The following ADAMTS19 variants were observed in gnomAD, a reference collection of about 807,000 sequenced individuals.
ADAMTS19 encodes the protein ADAM metallopeptidase with thrombospondin type 1 motif 19.
Under a neutral mutation model 153.3 loss-of-function variants are expected in ADAMTS19, and 93 were observed. The ratio of observed to expected loss-of-function variants is 0.61; its 90% CI spans 0.51 to 0.72. The LOEUF (loss-of-function observed/expected upper bound fraction) is 0.72. Ranked by LOEUF, ADAMTS19 falls within the 30% of genes least tolerant of loss-of-function variation. The probability of loss-of-function intolerance (pLI) is 0.00; values close to 1 mark genes in which losing one functional copy is unlikely to be tolerated. For synonymous variants in ADAMTS19, 600 were observed against 556.6 expected (o/e 1.08, Z -1.10); for missense variants, 1,482 against 1,552.1 (o/e 0.95, Z 0.76).
At chr5:129,654,750 C>T (rs1332511358) in intron 14 of ADAMTS19, among the ~76,000 whole-genome samples, 1 of 151,860 alleles carries the variant, frequency 6.6e-6, no homozygotes, top group South Asian at 2.1e-4. Context: ...TATTTCAGAC[C>T]AAAAATTCAA....
chr5:129,648,939 T>C lies in ADAMTS19; in HGVS notation c.2145T>C (p.His715=). The change falls in exon 13 of 23, where the codon CAT becomes CAC. Residue 715 remains histidine, a synonymous_variant. Coordinates refer to ENST00000274487, the MANE Select transcript of ADAMTS19 (RefSeq NM_133638.6). ...GTGTTAGAACTTCCTCCCCAAAGCATATACTTCAGTGGCAAGCTGTCCTGG... is the reference window on the plus strand; with the variant it reads ...GTGTTAGAACTTCCTCCCCAAAGCACATACTTCAGTGGCAAGCTGTCCTGG... ...AYSVRTSSPK[H]ILQWQAVLDE... The C allele has an allele frequency of 1.9e-6, 3 of 1,610,806 alleles. No homozygotes were observed. Among genetic ancestry groups the C allele is most frequent in the Non-Finnish European group, 2.5e-6 (3 of 1,177,710 alleles).
At position 129,550,681 on chromosome 5, in the gene ADAMTS19, A is replaced by C. The variant is rs113318409; in HGVS notation, c.1329-1183A>C. Among the ~76,000 whole-genome samples, 234 of 150,566 alleles carry C rather than the reference A, an allele frequency of 1.6e-3. 1 individual carries two copies. Among genetic ancestry groups the C allele is most frequent in the African/African-American group, 5.3e-3 (217 of 40,966 alleles). ...AAAGATCAATGTGACTTCATTGGTG[A>C]ATAGGCAAAAGTATTGTGCTTAATT... On this transcript the variant is annotated intron_variant, in intron 6 of 22. Transcript: ENST00000274487.
chr5:129,593,462 C>G (rs909366541), intron 7 of ADAMTS19, among the ~76,000 whole-genome samples: 7 of 152,134 alleles, frequency 4.6e-5, no homozygotes, highest in Non-Finnish European at 1.0e-4. Context: ...ATCTTAAATA[C>G]CTAAATCTCA....
chr5:129,608,316 G>C (rs539120407), intron 8 of ADAMTS19, among the ~76,000 whole-genome samples: 1 of 151,710 alleles, frequency 6.6e-6, no homozygotes, highest in Non-Finnish European at 1.5e-5. Context: ...AGTAACAGAA[G>C]AATGGTGGTT....
At chr5:129,555,006 G>T (rs1201181951) in intron 7 of ADAMTS19, among the ~76,000 whole-genome samples, 2 of 152,064 alleles carry the variant, frequency 1.3e-5, no homozygotes, top group Non-Finnish European at 2.9e-5. Context: ...ATCTCCTCAT[G>T]TAATCCAAAG....
intron 19 of ADAMTS19, among the ~76,000 whole-genome samples, chr5:129,697,317 TC>T (rs1317995958): frequency 6.6e-6 from 1 of 152,148 alleles, no homozygotes; most frequent in Non-Finnish European, 1.5e-5. Flanking sequence ...TTTAGTTTTG[TC>T]CCCTTAGCTG....
chr5:129,473,894 C>CT (rs34691894), intron 2 of ADAMTS19, among the ~76,000 whole-genome samples: 1 of 152,080 alleles, frequency 6.6e-6, no homozygotes, highest in African/African-American at 2.4e-5. Context: ...TGCGAATGCC[C>CT]TTTTTTCCAA....
At chr5:129,473,619 T>A (rs1750134989) in intron 2 of ADAMTS19, among the ~76,000 whole-genome samples, 4 of 152,174 alleles carry the variant, frequency 2.6e-5, no homozygotes, top group Admixed American at 2.6e-4. Context: ...ATAAATTTAA[T>A]TATTTAGTGC....
chr5:129,728,434 C>T (rs541839737), intron 21 of ADAMTS19, among the ~76,000 whole-genome samples: 2 of 152,144 alleles, frequency 1.3e-5, no homozygotes, highest in East Asian at 3.9e-4. Context: ...CATATGTATA[C>T]CGTTCAGGAC....
chr5:129,680,016 T>G, intron 17 of ADAMTS19, 95 bp downstream of exon 17: 1 of 1,280,854 alleles, frequency 7.8e-7, no homozygotes, highest in Admixed American at 2.7e-5. Flanking sequence ...AGATTTGAAT[T>G]GTCACACAGA....
At chr5:129,624,276 A>T (rs1201364201) in intron 10 of ADAMTS19, among the ~76,000 whole-genome samples, 1 of 151,988 alleles carries the variant, frequency 6.6e-6, no homozygotes, top group African/African-American at 2.4e-5. Flanking sequence ...TGTGACAATT[A>T]TGACATTGGT....
intron 1 of ADAMTS19, 63 bp downstream of exon 1, chr5:129,460,545 C>T (rs1749612863): frequency 1.9e-6 from 3 of 1,596,702 alleles, no homozygotes; most frequent in Non-Finnish European, 1.7e-6. Flanking sequence ...CGCGAACGTA[C>T]GGGTCGGCAG....
intron 8 of ADAMTS19, among the ~76,000 whole-genome samples, chr5:129,598,269 T>C (rs1307011358): frequency 2.0e-5 from 3 of 152,160 alleles, no homozygotes; most frequent in Admixed American, 1.3e-4. Context: ...GACCCATCTT[T>C]CTCAGTTCAT....
intron 18 of ADAMTS19, among the ~76,000 whole-genome samples, chr5:129,689,176 T>G (rs529370854): frequency 1.3e-5 from 2 of 152,094 alleles, no homozygotes; most frequent in Non-Finnish European, 2.9e-5. Flanking sequence ...CAGATCTACT[T>G]TGAAGGAAAA....
intron 4 of ADAMTS19, 73 bp from the exon 5 acceptor site, chr5:129,527,675 A>G (rs759725444): frequency 2.2e-4 from 135 of 608,546 alleles, no homozygotes; most frequent in Non-Finnish European, 3.4e-4. Context: ...AGACATCTCC[A>G]TGTATGGGCC....
At chr5:129,692,315 C>G (rs181016137) in intron 18 of ADAMTS19, among the ~76,000 whole-genome samples, 1 of 151,896 alleles carries the variant, frequency 6.6e-6, no homozygotes. Context: ...TAAATCTTAC[C>G]TCGTGATGCC....
chr5:129,580,615 C>T (rs2126884671), intron 7 of ADAMTS19, among the ~76,000 whole-genome samples: 1 of 152,168 alleles, frequency 6.6e-6, no homozygotes, highest in East Asian at 1.9e-4. Context: ...CCATCAATAC[C>T]TAGTTTATTG....
Position 129,708,728 on chromosome 5 carries a change from T to A in ADAMTS19, c.3312+4337T>A, listed in dbSNP as rs556707531. ...TTTAAACTTATTCAACAGAATTCTG[T>A]TGAGAAACAAGGCACCTTAAAATTG... On this transcript the variant is annotated intron_variant, in intron 21 of 22. Coordinates refer to ENST00000274487, the MANE Select transcript of ADAMTS19 (RefSeq NM_133638.6). Among the ~76,000 whole-genome samples, 15 of 152,234 alleles carry A rather than the reference T, an allele frequency of 9.9e-5. No homozygotes were observed. In the South Asian group the frequency reaches 2.7e-3, roughly 27 times the overall value.
chr5:129,554,530 T>A (rs1753247231), intron 7 of ADAMTS19, among the ~76,000 whole-genome samples: 1 of 152,084 alleles, frequency 6.6e-6, no homozygotes, highest in Non-Finnish European at 1.5e-5. Context: ...GAAGGAAGAA[T>A]GCAACCCTGA....
Sources: allele counts gnomAD v4.1 joint callset (sites outside exome capture counted in the v4.1 genomes callset), GRCh38; gene constraint gnomAD v4.1.1; transcripts MANE v1.5; gene names NCBI Gene and HGNC (gene_info 2026-07-23, HGNC 2026-07-21).